Variants in LRP2 observed in about 807,000 individuals in gnomAD.
LRP2 encodes the protein LDL receptor related protein 2.
In LRP2, 172 loss-of-function variants were observed where a neutral mutation model predicts 531.0. The observed-to-expected ratio is 0.32, with a 90% CI of 0.29 to 0.37. The LOEUF (loss-of-function observed/expected upper bound fraction) is 0.37. LRP2 is among the 10% of genes least tolerant of loss of function. The pLI, the probability that LRP2 is intolerant of heterozygous loss-of-function variation, is 1.00. For missense variants in LRP2, 5,167 were observed against 5,868.3 expected, an observed-to-expected ratio of 0.88 and a Z score of 3.90; for synonymous variants, 1,992 against 2,027.6, an observed-to-expected ratio of 0.98 and a Z score of 0.47.
At chr2:169,299,694 C>T (rs572484267) in intron 4 of LRP2, among the ~76,000 whole-genome samples, 4 of 152,150 alleles carry the variant, frequency 2.6e-5, no homozygotes, top group South Asian at 2.1e-4. Context: ...TTTAGTGGCA[C>T]GGGGCTACAT....
At chr2:169,270,165 A>T (rs1683364905) in intron 16 of LRP2, among the ~76,000 whole-genome samples, 1 of 152,218 alleles carries the variant, frequency 6.6e-6, no homozygotes, top group East Asian at 1.9e-4. Flanking sequence ...GAGGGACTGT[A>T]AACTAGTTCA....
At chr2:169,182,941 T>TG (rs765381039) in intron 50 of LRP2, among the ~76,000 whole-genome samples, 7 of 152,214 alleles carry the variant, frequency 4.6e-5, no homozygotes, top group Non-Finnish European at 1.0e-4. Flanking sequence ...TATAAATGTA[T>TG]TTTTATTCAA....
intron 1 of LRP2, among the ~76,000 whole-genome samples, chr2:169,324,941 A>G (rs542437053): frequency 6.6e-6 from 1 of 152,198 alleles, no homozygotes; most frequent in Non-Finnish European, 1.5e-5. Flanking sequence ...TCAGAGATAT[A>G]GAAAGCTATC....
Position 169,235,834 on chromosome 2 carries a change from A to G in LRP2, c.4920+6T>C, listed in dbSNP as rs748575807. 1.7e-5 allele frequency: 28 copies of G among 1,611,056 alleles called. No individual in the cohort carries two copies. Among genetic ancestry groups the G allele is most frequent in the African/African-American group, 5.4e-5 (4 of 74,746 alleles). On this transcript the variant is annotated splice_donor_region_variant and intron_variant, in intron 29 of 78. Coordinates refer to ENST00000649046, the MANE Select transcript of LRP2 (RefSeq NM_004525.3). The stretch of plus-strand genomic sequence containing the variant: ...TTTAATTTGGTTTTCCTCACCACCA[A>G]CTTACCAAATCACTGGCTATCACCT...
rs1198054003 is a variant in LRP2, at chr2:169,127,981, G to A, written c.*682C>T. On this transcript the variant is annotated 3_prime_UTR_variant, in exon 79 of 79. Transcript: ENST00000649046. The stretch of plus-strand genomic sequence containing the variant: ...CATAGACATCACAAATAAAAATGTT[G>A]TCTTGGCAGCTAGTGAGAGAACACA... 6.6e-6 allele frequency: 1 copy of A among 152,594 alleles called. No individual in the cohort carries two copies. Among genetic ancestry groups the A allele is most frequent in the African/African-American group, 2.4e-5 (1 of 41,416 alleles). 9.5% of individuals were successfully genotyped at this position (152,594 alleles called of 1,614,324 possible).
chr2:169,218,295 C>T (rs1239362645), intron 34 of LRP2, among the ~76,000 whole-genome samples: 2 of 152,136 alleles, frequency 1.3e-5, no homozygotes, highest in African/African-American at 4.8e-5. Context: ...CTTGACCTTC[C>T]ATCCTTCATA....
rs542576042 is a variant in LRP2 at position 169,319,264 on chromosome 2, A to C, written c.188-380T>G. On this transcript the variant is annotated intron_variant, in intron 2 of 78. Transcript: ENST00000649046. Reference sequence around the variant, plus strand: ...ATAGTAAAGTATCATGATGAACTGGAAAATTCATGAGATTTGGGAAAGAAA... The same window carrying C: ...ATAGTAAAGTATCATGATGAACTGGCAAATTCATGAGATTTGGGAAAGAAA... 5.3e-5 allele frequency among the ~76,000 whole-genome samples: 8 copies of C among 152,354 alleles called. No homozygotes were observed. In the South Asian group the frequency reaches 1.7e-3, roughly 32 times the overall value.
chr2:169,206,369 G>A lies in LRP2; in HGVS notation c.7351C>T (p.Leu2451=). The change falls in exon 39 of 79, where the codon CTG becomes TTG. Residue 2451 remains leucine (L), a synonymous_variant. Coordinates refer to ENST00000649046, the MANE Select transcript of LRP2 (RefSeq NM_004525.3). The part of the protein sequence containing the change: ...SGVGQISYAT[L]SSGIHTPTVI... The stretch of plus-strand genomic sequence containing the variant: ...GTTGGAGTATGGATCCCTGAAGACA[G>A]GGTGGCATAGGAAATCTGTCCAACT... The A allele has an allele frequency of 1.2e-6, 2 of 1,614,154 alleles. No homozygotes were observed. The highest frequency in any genetic ancestry group is 1.7e-6 in the Non-Finnish European group (2 of 1,180,026).
chr2:169,209,301 C>A (rs922253272), intron 38 of LRP2, 152 bp downstream of exon 38: 4 of 703,614 alleles, frequency 5.7e-6, no homozygotes, highest in African/African-American at 3.5e-5. Flanking sequence ...CAAATAGACA[C>A]GTAGCTTAAT....
chr2:169,269,157 T>C (rs1485631947), intron 16 of LRP2, among the ~76,000 whole-genome samples: 1 of 152,140 alleles, frequency 6.6e-6, no homozygotes, highest in Non-Finnish European at 1.5e-5. Flanking sequence ...AGAATCAATA[T>C]TGTGAAAATG....
Position 169,262,728 on chromosome 2 carries a change from A to G in LRP2, c.2321-3511T>C, listed in dbSNP as rs920934049. 4.7e-5 allele frequency among the ~76,000 whole-genome samples: 7 copies of G among 150,158 alleles called. No individual in the cohort carries two copies. The South Asian group carries it at 6.5e-4, about 14-fold the overall frequency. On this transcript the variant is annotated intron_variant, in intron 16 of 78. Transcript: ENST00000649046. ...TCAAGCTACCAATGACTTTCTTCAC[A>G]GAATTGGAAAAAACTACTTTAAAGC...
chr2:169,236,160 C>T (rs1689598417), intron 28 of LRP2, 92 bp from the exon 29 acceptor site: 6 of 932,778 alleles, frequency 6.4e-6, no homozygotes, highest in South Asian at 1.4e-5. Context: ...CTGTTTATGC[C>T]CTGCTTAAAA....
intron 47 of LRP2, among the ~76,000 whole-genome samples, chr2:169,192,722 A>G (rs1309520027): frequency 6.6e-6 from 1 of 152,222 alleles, no homozygotes; most frequent in African/African-American, 2.4e-5. Context: ...ATCCAGACTC[A>G]TTGCAGGTGA....
chr2:169,179,213 C>T (rs1218397161), intron 52 of LRP2, among the ~76,000 whole-genome samples: 1 of 151,970 alleles, frequency 6.6e-6, no homozygotes. Flanking sequence ...CGTCATGTTG[C>T]CCAAGCTGGT....
At position 169,162,604 on chromosome 2, in the gene LRP2, C is replaced by T. The variant is rs2105371092; in HGVS notation, c.11759-4G>A. On this transcript the variant is annotated splice_polypyrimidine_tract_variant and splice_region_variant and intron_variant, in intron 62 of 78. Coordinates refer to ENST00000649046, the MANE Select transcript of LRP2 (RefSeq NM_004525.3). The stretch of plus-strand genomic sequence containing the variant: ...GGTTTAGGGGTCGGTTTTCTACCTG[C>T]AATGTAAAAACAAGTTAAAATCAAA... 6.2e-7 allele frequency: 1 copy of T among 1,614,066 alleles called. No individual in the cohort carries two copies.
chr2:169,257,101 C>T lies in LRP2; in HGVS notation c.2639+23G>A, dbSNP rs759314628. On this transcript the variant is annotated intron_variant, in intron 18 of 78. Transcript: ENST00000649046. ...TCTGCAGTAAAAGAGAACTAAGTAT[C>T]GGGGATGATGATTCCTACTTACGCC... The T allele has an allele frequency of 4.2e-5, 68 of 1,611,498 alleles. No homozygotes were observed. In the Middle Eastern group the frequency reaches 9.9e-4, roughly 23 times the overall value.
intron 1 of LRP2, among the ~76,000 whole-genome samples, chr2:169,327,112 C>G (rs1459176450): frequency 1.3e-5 from 2 of 150,034 alleles, no homozygotes; most frequent in Admixed American, 6.6e-5. Context: ...GCCCGGCCAG[C>G]CGCCCCATCC....
At chr2:169,144,243 A>G (rs1388185856) in intron 70 of LRP2, among the ~76,000 whole-genome samples, 3 of 152,216 alleles carry the variant, frequency 2.0e-5, no homozygotes, top group Non-Finnish European at 4.4e-5. Flanking sequence ...CACCTCAGGC[A>G]TATTGCATCA....
chr2:169,246,882 T>C lies in LRP2; in HGVS notation c.3013A>G (p.Arg1005Gly), dbSNP rs368148692. 195 of 1,614,088 alleles carry C rather than the reference T, an allele frequency of 1.2e-4. 2 individuals are homozygous for C. In the South Asian group the frequency reaches 1.5e-3, roughly 12 times the overall value. The change falls in exon 21 of 79, where the codon AGG becomes GGG. Residue 1005 changes from arginine (R) to glycine (G), a missense_variant. This residue lies in a region of LRP2 where 2,811 missense variants were observed against 3,058.0 expected (regional missense o/e 0.92). Coordinates refer to ENST00000649046, the MANE Select transcript of LRP2 (RefSeq NM_004525.3). ...CATGTCAAGTGATTGGAAGCCAGCCTCATTCCATAAGGGCACCCACACACT... is the reference window on the plus strand; with the variant it reads ...CATGTCAAGTGATTGGAAGCCAGCCCCATTCCATAAGGGCACCCACACACT... ...QRVCGCPYGM[R>G]LASNHLTCEG...
Sources: gnomAD v4.1 joint callset for allele counts (sites outside exome capture counted in the v4.1 genomes callset) on GRCh38, gnomAD v4.1.1 for gene constraint, gnomAD v4.1.1 regional missense constraint, MANE v1.5 for transcripts, NCBI Gene and HGNC (gene_info 2026-07-23, HGNC 2026-07-21) for gene names.